The following KYNU variants were observed in gnomAD, a reference collection of about 807,000 sequenced individuals.
The protein encoded by KYNU is kynureninase.
KYNU carries 54 observed loss-of-function variants against 59.2 expected under a neutral mutation model. The observed-to-expected ratio is 0.91, with a 90% CI of 0.73 to 1.14. The LOEUF is 1.14. KYNU is among the 50% of genes most tolerant of loss of function. The pLI is 0.00. For synonymous variants in KYNU, 177 were observed against 192.0 expected (o/e 0.92, Z 0.65); for missense variants, 567 against 554.4 (o/e 1.02, Z -0.23).
intron 4 of KYNU, among the ~76,000 whole-genome samples, chr2:142,936,855 G>A (rs13030111): frequency 0.26 from 40,072 of 152,056 alleles, 6,451 homozygotes; most frequent in South Asian, 0.42. Flanking sequence ...CAAGGAGGAC[G>A]CAGACTTGAG....
In KYNU at chr2:142,927,727, TGAA is replaced by T. The variant is rs767060858; in HGVS notation, c.361_363del (p.Lys121del). 5.6e-6 allele frequency: 9 copies of T among 1,610,102 alleles called. No individual in the cohort carries two copies. Among genetic ancestry groups the T allele is most frequent in the Non-Finnish European group, 6.8e-6 (8 of 1,176,574 alleles). On this transcript the variant is annotated inframe_deletion, in exon 4 of 14. Coordinates refer to ENST00000264170, the MANE Select transcript of KYNU (RefSeq NM_003937.3). ...GGAGATGAGAGTATTGTAGGCCTTATGAAGGACATTGTAGGTAAGTACAAAACA... is the reference window on the plus strand; with the variant it reads ...GGAGATGAGAGTATTGTAGGCCTTATGGACATTGTAGGTAAGTACAAAACA...
rs1392515840 is a variant in KYNU, at chr2:143,044,712, G to T, written c.*2540G>T. Reference sequence around the variant, plus strand: ...TCTTGTAAATTTATTTAAGTCCCTTGTAGATTCTGGATATTTTCCCTTTGT... The same window carrying T: ...TCTTGTAAATTTATTTAAGTCCCTTTTAGATTCTGGATATTTTCCCTTTGT... On this transcript the variant is annotated 3_prime_UTR_variant, in exon 14 of 14. Coordinates refer to ENST00000264170, the MANE Select transcript of KYNU (RefSeq NM_003937.3). 1.3e-5 allele frequency: 2 copies of T among 152,064 alleles called. No homozygotes were observed. The highest frequency in any genetic ancestry group is 2.9e-5 in the Non-Finnish European group (2 of 68,006). 9.4% of individuals were successfully genotyped at this position (152,064 alleles called of 1,614,324 possible). A position where few individuals can be genotyped will look rare whatever the true frequency, so the allele number is the denominator to read the frequency against.
intron 8 of KYNU, among the ~76,000 whole-genome samples, chr2:142,969,031 T>C (rs1684632600): frequency 6.6e-6 from 1 of 152,154 alleles, no homozygotes; most frequent in Admixed American, 6.5e-5. Flanking sequence ...GGGGAAATCA[T>C]TTTTATTCAT....
chr2:142,927,219 C>T (rs1683071564), intron 3 of KYNU, among the ~76,000 whole-genome samples: 1 of 152,122 alleles, frequency 6.6e-6, no homozygotes, highest in African/African-American at 2.4e-5. Flanking sequence ...ACATTTTATA[C>T]ACTTCTATTA....
At chr2:142,900,790 G>C (rs947584599) in intron 2 of KYNU, among the ~76,000 whole-genome samples, 2 of 152,178 alleles carry the variant, frequency 1.3e-5, no homozygotes, top group Non-Finnish European at 2.9e-5. Flanking sequence ...GTTCAGTTGA[G>C]ATTTCCTCTG....
chr2:142,895,758 C>T lies in KYNU; in HGVS notation c.169+10222C>T, dbSNP rs1017473878. 5.9e-5 allele frequency among the ~76,000 whole-genome samples: 9 copies of T among 152,226 alleles called. 1 individual carries two copies. The East Asian group carries it at 7.7e-4, about 13-fold the overall frequency. On this transcript the variant is annotated intron_variant, in intron 2 of 13. Coordinates refer to ENST00000264170, the MANE Select transcript of KYNU (RefSeq NM_003937.3). ...GGAGTGCAGTGGCATAATCACAGCT[C>T]ACTGCAGCCTTGATCTCCCTGGCTC...
intron 8 of KYNU, among the ~76,000 whole-genome samples, chr2:142,979,210 A>G (rs1034336079): frequency 1.3e-5 from 2 of 152,198 alleles, no homozygotes; most frequent in Admixed American, 6.5e-5. Context: ...TTTGCCCAAG[A>G]TACTTCATTC....
chr2:142,963,239 C>T (rs1404611073), intron 8 of KYNU, among the ~76,000 whole-genome samples: 1 of 152,064 alleles, frequency 6.6e-6, no homozygotes, highest in Non-Finnish European at 1.5e-5. Flanking sequence ...ATAACCATCA[C>T]CCCATCAAGA....
chr2:142,934,938 A>G (rs932664779), intron 4 of KYNU, among the ~76,000 whole-genome samples: 1 of 152,184 alleles, frequency 6.6e-6, no homozygotes, highest in Non-Finnish European at 1.5e-5. Context: ...CACACTTGAA[A>G]CAGGCGCCAG....
chr2:142,935,727 A>G (rs918640294), intron 4 of KYNU, among the ~76,000 whole-genome samples: 1 of 152,190 alleles, frequency 6.6e-6, no homozygotes, highest in Non-Finnish European at 1.5e-5. Context: ...AGGGTGGGTC[A>G]TAGGCTAAAG....
At chr2:142,897,132 T>C (rs185438175) in intron 2 of KYNU, among the ~76,000 whole-genome samples, 2 of 152,356 alleles carry the variant, frequency 1.3e-5, no homozygotes, top group African/African-American at 4.8e-5. Flanking sequence ...AAACATTTGT[T>C]AAGGTTTGTT....
chr2:143,028,708 C>T (rs1380321777), intron 10 of KYNU, among the ~76,000 whole-genome samples: 2 of 151,802 alleles, frequency 1.3e-5, no homozygotes, highest in African/African-American at 4.8e-5. Context: ...GTTAGCCGGG[C>T]GTGGTGGCAC....
chr2:142,960,933 C>T (rs531017993), intron 8 of KYNU, among the ~76,000 whole-genome samples, 163 bp downstream of exon 8: 6 of 151,292 alleles, frequency 4.0e-5, no homozygotes, highest in Admixed American at 1.3e-4. Flanking sequence ...CGGTGGCTCA[C>T]GCCTGTAATC....
At chr2:142,971,951 T>C (rs1684739080) in intron 8 of KYNU, among the ~76,000 whole-genome samples, 1 of 152,214 alleles carries the variant, frequency 6.6e-6, no homozygotes, top group Non-Finnish European at 1.5e-5. Flanking sequence ...CGTTAAGTCA[T>C]TAAATATTAA....
chr2:142,974,666 C>T (rs986496866), intron 8 of KYNU, among the ~76,000 whole-genome samples: 2 of 152,182 alleles, frequency 1.3e-5, no homozygotes, highest in African/African-American at 2.4e-5. Context: ...GGAACTTAAA[C>T]AAAGAGTAAC....
intron 7 of KYNU, among the ~76,000 whole-genome samples, 161 bp from the exon 8 acceptor site, chr2:142,960,463 G>A (rs998299752): frequency 1.3e-5 from 2 of 151,856 alleles, no homozygotes; most frequent in Non-Finnish European, 2.9e-5. Flanking sequence ...TAAAAATTAT[G>A]CTCAAATGCT....
chr2:142,987,960 C>A (rs879619808), intron 10 of KYNU, among the ~76,000 whole-genome samples: 2 of 151,880 alleles, frequency 1.3e-5, no homozygotes, highest in African/African-American at 4.8e-5. Context: ...CTGCCTCCCC[C>A]TTCACCCTCT....
chr2:142,937,846 A>C (rs1346993053), intron 4 of KYNU, among the ~76,000 whole-genome samples: 1 of 152,236 alleles, frequency 6.6e-6, no homozygotes, highest in African/African-American at 2.4e-5. Flanking sequence ...TGGACTTAAA[A>C]TATGTAAGGA....
intron 2 of KYNU, among the ~76,000 whole-genome samples, chr2:142,900,155 A>T (rs917736106): frequency 2.0e-5 from 3 of 152,222 alleles, no homozygotes; most frequent in Non-Finnish European, 4.4e-5. Flanking sequence ...GAACCTGGGC[A>T]CTTAGCCGTG....
Sources: gnomAD v4.1 joint callset for allele counts (sites outside exome capture counted in the v4.1 genomes callset) on GRCh38, gnomAD v4.1.1 for gene constraint, MANE v1.5 for transcripts, NCBI Gene and HGNC (gene_info 2026-07-23, HGNC 2026-07-21) for gene names.